TSPAN18: variants seen among roughly 807,000 people sequenced by gnomAD.
TSPAN18 encodes tetraspanin 18.
TSPAN18 carries 14 observed loss-of-function variants against 27.3 expected under a neutral mutation model. The ratio of observed to expected loss-of-function variants is 0.51; its 90% CI spans 0.34 to 0.80. TSPAN18 has a LOEUF of 0.80. Ranked by LOEUF, TSPAN18 falls within the 30% of genes least tolerant of loss-of-function variation. The probability of loss-of-function intolerance (pLI) is 0.01; values close to 1 mark genes in which losing one functional copy is unlikely to be tolerated. For synonymous variants in TSPAN18, 143 were observed against 136.5 expected (o/e 1.05, Z -0.33); for missense variants, 268 against 323.9 (o/e 0.83, Z 1.32).
At chr11:44,851,621 C>T (rs1015888811) in intron 2 of TSPAN18, among the ~76,000 whole-genome samples, 3 of 148,288 alleles carry the variant, frequency 2.0e-5, no homozygotes, top group African/African-American at 4.9e-5. Context: ...CACCTCCCCC[C>T]CCCAACGGCT....
chr11:44,903,656 AC>A (rs1400506522), intron 3 of TSPAN18: 1 of 456,524 alleles, frequency 2.2e-6, no homozygotes, highest in Middle Eastern at 3.3e-4. Flanking sequence ...TGTTTCAGAG[AC>A]CCCTGTGATA....
At chr11:44,747,245 G>T (rs1015054890) in intron 1 of TSPAN18, among the ~76,000 whole-genome samples, 26 of 152,362 alleles carry the variant, frequency 1.7e-4, no homozygotes, top group African/African-American at 6.0e-4. Flanking sequence ...GCAGCCAGGA[G>T]CAGCCCTGCC....
intron 3 of TSPAN18, among the ~76,000 whole-genome samples, chr11:44,882,587 G>GAGACACACAC (rs1554997009): frequency 5.3e-5 from 7 of 130,864 alleles, no homozygotes; most frequent in African/African-American, 1.8e-4. Context: ...CAGAGAGAGA[G>GAGACACACAC]ACACACACAC....
intron 2 of TSPAN18, among the ~76,000 whole-genome samples, chr11:44,787,953 C>T (rs1476256364): frequency 6.6e-6 from 1 of 152,190 alleles, no homozygotes; most frequent in Non-Finnish European, 1.5e-5. Flanking sequence ...CACTGTGGAC[C>T]TACTAGGAGC....
At chr11:44,756,133 G>A (rs1390335745) in intron 1 of TSPAN18, among the ~76,000 whole-genome samples, 1 of 152,140 alleles carries the variant, frequency 6.6e-6, no homozygotes, top group African/African-American at 2.4e-5. Context: ...TTCCTCCTCT[G>A]AAATCCGACT....
rs139154582 is a variant in TSPAN18 at position 44,731,633 on chromosome 11, T to TGTGTGTGAGAGAGA, written c.-240+4347_-240+4348insTGTGTGAGAGAGAG. On this transcript the variant is annotated intron_variant, in intron 1 of 9. Transcript: ENST00000520358. ...GTGTGTGTGTGTGTGTGTGTGTGTGTGAGAGAGAGAGAGAGAGAGAGAAAA... is the reference window on the plus strand; with the variant it reads ...GTGTGTGTGTGTGTGTGTGTGTGTGTGTGTGTGAGAGAGAGAGAGAGAGAGAGAGAGAGAGAAAA... Among the ~76,000 whole-genome samples, 210 of 107,430 alleles carry TGTGTGTGAGAGAGA rather than the reference T, an allele frequency of 2.0e-3. 1 individual carries two copies. Among genetic ancestry groups the TGTGTGTGAGAGAGA allele is most frequent in the Non-Finnish European group, 3.0e-3 (159 of 53,638 alleles). 70.5% of individuals were successfully genotyped at this position (107,430 alleles called of 152,430 possible). A position where few individuals can be genotyped will look rare whatever the true frequency, so the allele number is the denominator to read the frequency against.
chr11:44,733,712 G>C (rs1854719719), intron 1 of TSPAN18, among the ~76,000 whole-genome samples: 1 of 152,206 alleles, frequency 6.6e-6, no homozygotes, highest in Admixed American at 6.5e-5. Context: ...CATAGGGAGA[G>C]CCATAAGAAT....
At chr11:44,895,886 C>T (rs1355448956) in intron 3 of TSPAN18, among the ~76,000 whole-genome samples, 3 of 152,126 alleles carry the variant, frequency 2.0e-5, no homozygotes, top group Non-Finnish European at 2.9e-5. Flanking sequence ...TTTCCCTGAG[C>T]CCTGGGGCTG....
chr11:44,759,446 G>C (rs1436595224), intron 1 of TSPAN18, among the ~76,000 whole-genome samples: 1 of 152,192 alleles, frequency 6.6e-6, no homozygotes, highest in Non-Finnish European at 1.5e-5. Flanking sequence ...TCAGGGTCTA[G>C]AGAAAATTAT....
In TSPAN18 at chr11:44,744,111, CAG is replaced by C. The variant is rs1439629264; in HGVS notation, c.-240+16826_-240+16827del. On this transcript the variant is annotated intron_variant, in intron 1 of 9. Coordinates refer to ENST00000520358, the MANE Select transcript of TSPAN18 (RefSeq NM_130783.5). ...GTTTTTCTGCAAATGTTAATAAAGA[CAG>C]AAAGCAGTGAGACAACAGAGGCCTC... Among the ~76,000 whole-genome samples, 3 of 152,244 alleles carry C rather than the reference CAG, an allele frequency of 2.0e-5. No individual in the cohort carries two copies. In the East Asian group the frequency reaches 5.8e-4, roughly 29 times the overall value.
intron 2 of TSPAN18, among the ~76,000 whole-genome samples, chr11:44,850,422 G>T (rs1296610797): frequency 6.6e-6 from 1 of 152,156 alleles, no homozygotes; most frequent in East Asian, 1.9e-4. Flanking sequence ...CATGATCCCA[G>T]TGAGGACAAG....
In TSPAN18 at chr11:44,929,251, C is replaced by T. The variant is rs1257948250; in HGVS notation, c.*73C>T. On this transcript the variant is annotated 3_prime_UTR_variant, in exon 10 of 10. Coordinates refer to ENST00000520358, the MANE Select transcript of TSPAN18 (RefSeq NM_130783.5). ...GCACCCAGTGTCCTCCCGTGCCCCT[C>T]CCCGCTGTCCTCTTGGCCCCAGGGG... 47 of 1,588,082 alleles carry T rather than the reference C, an allele frequency of 3.0e-5. No individual in the cohort carries two copies. Among genetic ancestry groups the T allele is most frequent in the Non-Finnish European group, 4.0e-5 (46 of 1,160,386 alleles).
intron 2 of TSPAN18, among the ~76,000 whole-genome samples, chr11:44,774,448 G>A (rs1353668234): frequency 1.3e-5 from 2 of 152,230 alleles, no homozygotes; most frequent in African/African-American, 4.8e-5. Context: ...TGGGCTGACT[G>A]CTGTCCAGAT....
At chr11:44,837,510 C>T (rs1170680138) in intron 2 of TSPAN18, among the ~76,000 whole-genome samples, 2 of 152,196 alleles carry the variant, frequency 1.3e-5, no homozygotes, top group Non-Finnish European at 2.9e-5. Context: ...ATTACATGAA[C>T]TTAGTTGCTA....
intron 2 of TSPAN18, among the ~76,000 whole-genome samples, chr11:44,789,856 C>T (rs1263094679): frequency 6.6e-6 from 1 of 152,220 alleles, no homozygotes; most frequent in Non-Finnish European, 1.5e-5. Context: ...GGCAGCCCTG[C>T]CCTCCTCCTA....
At chr11:44,880,263 G>A (rs1381314679) in intron 3 of TSPAN18, among the ~76,000 whole-genome samples, 1 of 152,238 alleles carries the variant, frequency 6.6e-6, no homozygotes, top group Non-Finnish European at 1.5e-5. Flanking sequence ...GAATGCTGGA[G>A]ACTGGGACAG....
chr11:44,864,241 C>T (rs1024194884), intron 3 of TSPAN18, among the ~76,000 whole-genome samples: 27 of 145,944 alleles, frequency 1.9e-4, no homozygotes, highest in African/African-American at 6.9e-4. Flanking sequence ...GAGCCAAGAC[C>T]GCACCACTGC....
intron 1 of TSPAN18, among the ~76,000 whole-genome samples, chr11:44,735,025 G>T (rs4614439): frequency 0.16 from 23,644 of 152,264 alleles, 2,994 homozygotes; most frequent in East Asian, 0.69. Context: ...GACACGGGGA[G>T]TGGAGGGGCC....
At chr11:44,792,798 A>G (rs1036578169) in intron 2 of TSPAN18, among the ~76,000 whole-genome samples, 2 of 152,172 alleles carry the variant, frequency 1.3e-5, no homozygotes, top group African/African-American at 4.8e-5. Context: ...GTGGACAAAC[A>G]GTACCTGCCA....
Sources: allele counts gnomAD v4.1 joint callset (sites outside exome capture counted in the v4.1 genomes callset), GRCh38; gene constraint gnomAD v4.1.1; transcripts MANE v1.5; gene names NCBI Gene and HGNC (gene_info 2026-07-23, HGNC 2026-07-21).